Variants in CCDC122 observed in about 807,000 individuals in gnomAD.
CCDC122 encodes the protein coiled-coil domain containing 122.
Under a neutral mutation model 37.0 loss-of-function variants are expected in CCDC122, and 38 were observed. The observed-to-expected ratio is 1.03, with a 90% CI of 0.79 to 1.35. The LOEUF (loss-of-function observed/expected upper bound fraction) is 1.35. Among genes scored for constraint, CCDC122 ranks in the 40% most tolerant of loss-of-function variants. The pLI, the probability that CCDC122 is intolerant of heterozygous loss-of-function variation, is 0.00. For missense variants in CCDC122, 305 were observed against 310.0 expected, an observed-to-expected ratio of 0.98 and a Z score of 0.12; for synonymous variants, 83 against 95.6, an observed-to-expected ratio of 0.87 and a Z score of 0.77.
At chr13:43,840,160 T>A (rs1169288021) in intron 6 of CCDC122, among the ~76,000 whole-genome samples, 2 of 152,156 alleles carry the variant, frequency 1.3e-5, no homozygotes, top group Non-Finnish European at 2.9e-5. Context: ...TTGCAGTTCA[T>A]CCACTAGGAC....
chr13:43,861,149 G>A (rs914150434), intron 4 of CCDC122, among the ~76,000 whole-genome samples: 4 of 152,098 alleles, frequency 2.6e-5, no homozygotes, highest in Non-Finnish European at 5.9e-5. Context: ...GGCTGACAGG[G>A]GTGTCTTGGC....
chr13:43,825,717 T>C (rs1263242316), intron 3 of CCDC122, among the ~76,000 whole-genome samples: 1 of 142,436 alleles, frequency 7.0e-6, no homozygotes, highest in African/African-American at 2.6e-5. Context: ...TTGCAGTGAG[T>C]TGAGATCACA....
At chr13:43,856,785 T>TA (rs1953925840) in intron 6 of CCDC122, among the ~76,000 whole-genome samples, 2 of 152,146 alleles carry the variant, frequency 1.3e-5, no homozygotes, top group Admixed American at 6.5e-5. Flanking sequence ...GGCTATTTGA[T>TA]AAAAAGGGTA....
chr13:43,875,999 A>G lies in CCDC122; in HGVS notation c.-199-1072T>C, dbSNP rs527881698. ...AGGGCTACTTGAGACTCAGACCCAC[A>G]TGGAATAAGACCATTTGACGATGGA... On this transcript the variant is annotated intron_variant, in intron 1 of 6. Coordinates refer to ENST00000444614, the MANE Select transcript of CCDC122 (RefSeq NM_144974.5). Among the ~76,000 whole-genome samples, 21 of 152,340 alleles carry G rather than the reference A, an allele frequency of 1.4e-4. 1 individual carries two copies. Among genetic ancestry groups the G allele is most frequent in the African/African-American group, 5.1e-4 (21 of 41,562 alleles).
At chr13:43,869,990 G>C (rs1412484963) in intron 2 of CCDC122, among the ~76,000 whole-genome samples, 1 of 152,010 alleles carries the variant, frequency 6.6e-6, no homozygotes, top group Non-Finnish European at 1.5e-5. Flanking sequence ...ATGATAGGAG[G>C]AATAAGTATT....
chr13:43,868,865 G>T (rs1006153810), intron 3 of CCDC122, 62 bp from the exon 4 acceptor site: 4 of 699,158 alleles, frequency 5.7e-6, no homozygotes, highest in African/African-American at 5.6e-5. Context: ...TTTTAAGAAA[G>T]TTATGTTTCT....
chr13:43,875,980 A>G lies in CCDC122; in HGVS notation c.-199-1053T>C, dbSNP rs113586660. On this transcript the variant is annotated intron_variant, in intron 1 of 6. Transcript: ENST00000444614. ...CCTTATAAGAGAAAGGTAGAGGGCT[A>G]CTTGAGACTCAGACCCACATGGAAT... Among the ~76,000 whole-genome samples, 74 of 152,368 alleles carry G rather than the reference A, an allele frequency of 4.9e-4. 1 individual carries two copies. The highest frequency in any genetic ancestry group is 1.5e-3 in the African/African-American group (64 of 41,588).
chr13:43,837,515 G>A, intron 6 of CCDC122, 86 bp from the exon 7 acceptor site: 2 of 1,155,442 alleles, frequency 1.7e-6, no homozygotes, highest in Non-Finnish European at 2.4e-6. Flanking sequence ...ACTCTAAAGA[G>A]GGAAGCACTT....
chr13:43,848,587 A>C (rs2065924), intron 6 of CCDC122: 6 of 155,908 alleles, frequency 3.8e-5, no homozygotes, highest in Admixed American at 1.3e-4. Flanking sequence ...CCAAAATATA[A>C]GAAGACAGAC....
At chr13:43,840,193 C>A (rs897951252) in intron 6 of CCDC122, among the ~76,000 whole-genome samples, 25 of 152,072 alleles carry the variant, frequency 1.6e-4, no homozygotes, top group Non-Finnish European at 3.7e-4. Context: ...GTACAGAGTT[C>A]TTCCCAGGCC....
intron 6 of CCDC122, among the ~76,000 whole-genome samples, chr13:43,851,148 A>C (rs1370231203): frequency 1.3e-5 from 2 of 152,202 alleles, no homozygotes; most frequent in Non-Finnish European, 2.9e-5. Flanking sequence ...CACATGAAAA[A>C]AATAAAAGAA....
intron 6 of CCDC122, among the ~76,000 whole-genome samples, chr13:43,850,520 T>C (rs1953691260): frequency 6.6e-6 from 1 of 151,986 alleles, no homozygotes; most frequent in Non-Finnish European, 1.5e-5. Context: ...AACTAAAAGG[T>C]ACAATAACCA....
chr13:43,861,962 T>C (rs1954119879), intron 4 of CCDC122, among the ~76,000 whole-genome samples: 1 of 152,162 alleles, frequency 6.6e-6, no homozygotes, highest in Non-Finnish European at 1.5e-5. Flanking sequence ...TCCTGATGGT[T>C]GGGCCTCCAA....
downstream of CCDC122, among the ~76,000 whole-genome samples, chr13:43,834,587 T>C (rs1594812117): frequency 6.6e-6 from 1 of 152,138 alleles, no homozygotes; most frequent in Non-Finnish European, 1.5e-5. Flanking sequence ...ATCCAGAATC[T>C]ACAATGAACC....
chr13:43,871,230 ATAT>A (rs1954441493), intron 2 of CCDC122, among the ~76,000 whole-genome samples: 1 of 152,020 alleles, frequency 6.6e-6, no homozygotes, highest in African/African-American at 2.4e-5. Flanking sequence ...ACTACCATCT[ATAT>A]TTCTTCTTCG....
At chr13:43,820,282 C>T (rs1388574939), downstream of CCDC122, among the ~76,000 whole-genome samples, 1 of 152,082 alleles carries the variant, frequency 6.6e-6, no homozygotes, top group African/African-American at 2.4e-5. Context: ...TTGATGAACA[C>T]CCTTAATGCT....
At chr13:43,841,631 G>C (rs945377053) in intron 6 of CCDC122, among the ~76,000 whole-genome samples, 1 of 151,930 alleles carries the variant, frequency 6.6e-6, no homozygotes, top group African/African-American at 2.4e-5. Context: ...CTTTCTTTAC[G>C]CATCCTGGAT....
At chr13:43,829,101 A>T (rs1467089691) in intron 3 of CCDC122, among the ~76,000 whole-genome samples, 2 of 152,216 alleles carry the variant, frequency 1.3e-5, no homozygotes, top group Non-Finnish European at 2.9e-5. Context: ...ATTGACAAAA[A>T]TACTGTTAAA....
chr13:43,826,906 CAA>C (rs1293153156), intron 3 of CCDC122, among the ~76,000 whole-genome samples: 1 of 152,022 alleles, frequency 6.6e-6, no homozygotes, highest in African/African-American at 2.4e-5. Flanking sequence ...TTAAATTGCC[CAA>C]AGTCATCTTA....
Sources: allele counts gnomAD v4.1 joint callset (sites outside exome capture counted in the v4.1 genomes callset), GRCh38; gene constraint gnomAD v4.1.1; transcripts MANE v1.5; gene names NCBI Gene and HGNC (gene_info 2026-07-23, HGNC 2026-07-21).